TBC1D5: variants seen among roughly 807,000 people sequenced by gnomAD.
The protein encoded by TBC1D5 is TBC1 domain family, member 5.
Under a neutral mutation model 100.3 loss-of-function variants are expected in TBC1D5, and 75 were observed. The ratio of observed to expected loss-of-function variants is 0.75; its 90% CI spans 0.62 to 0.91. TBC1D5 has a LOEUF of 0.91. TBC1D5 is among the 40% of genes least tolerant of loss of function. The probability of loss-of-function intolerance (pLI) is 0.00; values close to 1 mark genes in which losing one functional copy is unlikely to be tolerated. For synonymous variants in TBC1D5, 323 were observed against 325.6 expected, an observed-to-expected ratio of 0.99 and a Z score of 0.09; for missense variants, 910 against 942.4, an observed-to-expected ratio of 0.97 and a Z score of 0.45.
intron 1 of TBC1D5, among the ~76,000 whole-genome samples, chr3:17,731,763 TAG>T (rs1254819369): frequency 6.6e-6 from 1 of 151,972 alleles, no homozygotes; most frequent in Non-Finnish European, 1.5e-5. Flanking sequence ...CATGAGGATG[TAG>T]AGAATGGAGT....
intron 2 of TBC1D5, among the ~76,000 whole-genome samples, chr3:17,525,230 A>G (rs2096118289): frequency 6.6e-6 from 1 of 152,144 alleles, no homozygotes; most frequent in Admixed American, 6.5e-5. Context: ...CCAAGGTTCA[A>G]GCAATTCTCC....
At chr3:17,655,148 G>C (rs2153728011) in intron 1 of TBC1D5, among the ~76,000 whole-genome samples, 1 of 151,906 alleles carries the variant, frequency 6.6e-6, no homozygotes, top group East Asian at 1.9e-4. Flanking sequence ...GGTTTTTTGT[G>C]TCTCTATTTC....
chr3:17,613,950 A>T (rs952377758), intron 2 of TBC1D5, among the ~76,000 whole-genome samples: 2 of 152,194 alleles, frequency 1.3e-5, no homozygotes, highest in South Asian at 4.1e-4. Context: ...TTCAGTCATG[A>T]AGTCCTTGAC....
intron 1 of TBC1D5, among the ~76,000 whole-genome samples, chr3:17,683,322 G>A (rs2069761720): frequency 6.6e-6 from 1 of 151,120 alleles, no homozygotes; most frequent in South Asian, 2.1e-4. Flanking sequence ...ATAGAGCCCT[G>A]GAAATGGCCT....
exon 1 of TBC1D5, chr3:17,739,367 A>T (rs2077214065): frequency 6.6e-6 from 1 of 152,234 alleles, no homozygotes; most frequent in South Asian, 2.1e-4. Context: ...TGTCCTTCTT[A>T]CTTTTTCAGC....
intron 8 of TBC1D5, among the ~76,000 whole-genome samples, chr3:17,390,591 C>T (rs897573144): frequency 1.3e-5 from 2 of 152,056 alleles, no homozygotes; most frequent in African/African-American, 4.8e-5. Flanking sequence ...CAAAGAAGCA[C>T]AGAAGGACTT....
At chr3:17,531,049 T>C (rs1296820378) in intron 2 of TBC1D5, among the ~76,000 whole-genome samples, 1 of 152,064 alleles carries the variant, frequency 6.6e-6, no homozygotes, top group African/African-American at 2.4e-5. Context: ...AAATTGTCCC[T>C]GTTTGCAGAT....
At chr3:17,326,463 A>T (rs1217866337) in intron 13 of TBC1D5, among the ~76,000 whole-genome samples, 2 of 152,004 alleles carry the variant, frequency 1.3e-5, no homozygotes, top group East Asian at 3.9e-4. Context: ...GTACTTGAAT[A>T]TTTTTTATTA....
intron 1 of TBC1D5, among the ~76,000 whole-genome samples, chr3:17,721,477 GT>G (rs2075697995): frequency 6.6e-6 from 1 of 152,000 alleles, no homozygotes; most frequent in South Asian, 2.1e-4. Context: ...GTGTGTGTGT[GT>G]GTGTGTGTGT....
intron 2 of TBC1D5, among the ~76,000 whole-genome samples, chr3:17,537,213 G>A (rs1443899524): frequency 6.6e-6 from 1 of 152,156 alleles, no homozygotes; most frequent in Non-Finnish European, 1.5e-5. Flanking sequence ...AGTCAGCTTG[G>A]AAAGTAAGCC....
intron 2 of TBC1D5, among the ~76,000 whole-genome samples, chr3:17,545,641 T>C (rs1461067198): frequency 3.3e-5 from 5 of 152,354 alleles, no homozygotes; most frequent in Admixed American, 6.5e-5. Context: ...TGAATATTCA[T>C]TAGCCACTAA....
intron 1 of TBC1D5, among the ~76,000 whole-genome samples, chr3:17,627,811 TAAA>T (rs1185794423): frequency 1.3e-5 from 2 of 152,156 alleles, no homozygotes; most frequent in African/African-American, 4.8e-5. Context: ...ATTTTCCTTT[TAAA>T]AAGTCCTGAG....
At chr3:17,381,132 G>A (rs2092927926) in intron 9 of TBC1D5, among the ~76,000 whole-genome samples, 1 of 151,984 alleles carries the variant, frequency 6.6e-6, no homozygotes, top group Non-Finnish European at 1.5e-5. Context: ...TTCTAATTTA[G>A]TAATTGATAG....
At chr3:17,350,428 C>T (rs577073618) in intron 13 of TBC1D5, among the ~76,000 whole-genome samples, 69 of 152,218 alleles carry the variant, frequency 4.5e-4, no homozygotes, top group Admixed American at 4.5e-3. Context: ...CAAAGAGCTG[C>T]TTTTTTGTTA....
At chr3:17,423,205 A>T (rs1339309340) in intron 4 of TBC1D5, among the ~76,000 whole-genome samples, 2 of 152,104 alleles carry the variant, frequency 1.3e-5, no homozygotes, top group Non-Finnish European at 1.5e-5. Context: ...ACAAACAACA[A>T]AACTACATAC....
At chr3:17,269,373 CAG>C in intron 15 of TBC1D5, among the ~76,000 whole-genome samples, 1 of 152,112 alleles carries the variant, frequency 6.6e-6, no homozygotes, top group East Asian at 1.9e-4. Flanking sequence ...CTGCCGATAG[CAG>C]AGAGATTTGT....
intron 1 of TBC1D5, among the ~76,000 whole-genome samples, chr3:17,684,440 C>A (rs1029102219): frequency 6.6e-6 from 1 of 152,058 alleles, no homozygotes; most frequent in African/African-American, 2.4e-5. Context: ...AATGCAGTTT[C>A]TCTCTGAAGT....
At chr3:17,496,635 C>CA (rs964813625) in intron 3 of TBC1D5, among the ~76,000 whole-genome samples, 23 of 152,018 alleles carry the variant, frequency 1.5e-4, no homozygotes, top group African/African-American at 5.6e-4. Context: ...ATTACTTCAC[C>CA]ATTAAATTGT....
intron 18 of TBC1D5, among the ~76,000 whole-genome samples, chr3:17,205,606 C>T (rs978581790): frequency 6.6e-6 from 1 of 152,170 alleles, no homozygotes; most frequent in Non-Finnish European, 1.5e-5. Flanking sequence ...TGTTGGCTGC[C>T]TCATCACATC....
Sources: allele counts gnomAD v4.1 joint callset (sites outside exome capture counted in the v4.1 genomes callset), GRCh38; gene constraint gnomAD v4.1.1; transcripts MANE v1.5; gene names NCBI Gene and HGNC (gene_info 2026-07-23, HGNC 2026-07-21).